Variants in PCDHA5 observed in about 807,000 individuals in gnomAD.
The protein encoded by PCDHA5 is protocadherin alpha-5.
Under a neutral mutation model 61.6 loss-of-function variants are expected in PCDHA5, and 43 were observed. That is an observed-to-expected ratio of 0.70 (90% CI 0.55 to 0.90). PCDHA5 has a LOEUF of 0.90. Among genes scored for constraint, PCDHA5 ranks in the 40% least tolerant of loss-of-function variants. The pLI is 0.00. For synonymous variants in PCDHA5, 627 were observed against 543.9 expected (o/e 1.15, Z -2.13); for missense variants, 1,298 against 1,222.7 (o/e 1.06, Z -0.92).
intron 1 of PCDHA5, chr5:140,967,890 C>G: frequency 6.2e-7 from 1 of 1,614,176 alleles, no homozygotes; most frequent in Non-Finnish European, 8.5e-7. Context: ...AGCCCAGTGC[C>G]TGAGAATGCT....
intron 1 of PCDHA5, chr5:140,875,431 T>C (rs1554167634): frequency 1.3e-6 from 2 of 1,558,558 alleles, no homozygotes. Context: ...AAGCGATCCC[T>C]TAAAACTGAT....
chr5:140,847,343 G>C (rs1554141738), intron 1 of PCDHA5: 1 of 149,722 alleles, frequency 6.7e-6, no homozygotes, highest in Non-Finnish European at 1.5e-5. Flanking sequence ...CACCTCTTAG[G>C]CTGTTATCAG....
intron 3 of PCDHA5, among the ~76,000 whole-genome samples, chr5:140,998,715 C>T (rs535565356): frequency 2.6e-5 from 4 of 152,236 alleles, no homozygotes; most frequent in African/African-American, 9.6e-5. Flanking sequence ...CAAGCTTGCA[C>T]CACCACGCTA....
intron 1 of PCDHA5, among the ~76,000 whole-genome samples, chr5:140,936,969 A>G (rs1391736933): frequency 2.0e-5 from 3 of 152,202 alleles, no homozygotes; most frequent in African/African-American, 7.2e-5. Context: ...ATCTATAAAA[A>G]TATGAAGCTT....
chr5:140,853,597 G>A lies in PCDHA5; in HGVS notation c.2352+29470G>A, dbSNP rs2042800183. 3.0e-6 allele frequency: 3 copies of A among 986,998 alleles called. 1 individual carries two copies. The highest frequency in any genetic ancestry group is 3.7e-6 in the Non-Finnish European group (3 of 819,142). The allele number at this position is 986,998 out of a possible 1,614,324, so 61.1% of individuals were successfully genotyped here. A position where few individuals can be genotyped will look rare whatever the true frequency, so the allele number is the denominator to read the frequency against. On this transcript the variant is annotated intron_variant, in intron 1 of 3. Transcript: ENST00000529859. ...ACCCAATATCTTAGACACTTTGAGA[G>A]CAAAGGGGGTGCTGTAAATAAGTAT... is the stretch of plus-strand genomic sequence containing the variant.
intron 1 of PCDHA5, among the ~76,000 whole-genome samples, chr5:140,971,061 G>A (rs2096454888): frequency 6.6e-6 from 1 of 152,154 alleles, no homozygotes; most frequent in Non-Finnish European, 1.5e-5. Context: ...TTTAAATAAG[G>A]TTGCTGTAGA....
rs370989006 is a variant in PCDHA5 at position 141,009,739 on chromosome 5, C to T, written c.2613C>T (p.Pro871=). The change falls in exon 4 of 4, where the codon CCC becomes CCT. Residue 871 remains proline (P), a synonymous_variant. Transcript: ENST00000529859. ...AACAATCCGGTCCCGGTGAGTTGCC[C>T]GACAAATTCATTATCCCAGGATCTC... ...NPKQSGPGEL[P]DKFIIPGSPA... is the part of the protein sequence containing the mutation. 55 of 1,614,008 alleles carry T rather than the reference C, an allele frequency of 3.4e-5. No homozygotes were observed. Among genetic ancestry groups the T allele is most frequent in the African/African-American group, 2.4e-4 (18 of 74,972 alleles).
At chr5:141,007,280 T>G (rs946303708) in intron 3 of PCDHA5, among the ~76,000 whole-genome samples, 1 of 151,106 alleles carries the variant, frequency 6.6e-6, no homozygotes, top group East Asian at 1.9e-4. Flanking sequence ...CTGGGTGCAG[T>G]GGGCTCATGC....
At chr5:140,856,100 C>T (rs782183125) in intron 1 of PCDHA5, 2 of 1,597,876 alleles carry the variant, frequency 1.3e-6, no homozygotes, top group Non-Finnish European at 1.7e-6. Context: ...GCTCTCGCTT[C>T]TTCTCCTCGC....
rs146607016 is a variant in PCDHA5, at chr5:140,835,699, C to A, written c.2352+11572C>A. 1.1e-4 allele frequency: 183 copies of A among 1,613,916 alleles called. 1 individual carries two copies. The highest frequency in any genetic ancestry group is 1.4e-4 in the Non-Finnish European group (162 of 1,179,884). On this transcript the variant is annotated intron_variant, in intron 1 of 3. Transcript: ENST00000529859. ...GGCTCGCCTTCTCTGTGGGCCACTGCTAGCGTGTCCGTGGAGGTGGCCGAC... is the reference window on the plus strand; with the variant it reads ...GGCTCGCCTTCTCTGTGGGCCACTGATAGCGTGTCCGTGGAGGTGGCCGAC...
intron 1 of PCDHA5, chr5:140,848,167 C>A (rs1554142004): frequency 3.9e-6 from 1 of 254,352 alleles, no homozygotes; most frequent in African/African-American, 2.2e-5. Context: ...TAAGAAGGCT[C>A]CAGCAAGAGA....
intron 1 of PCDHA5, chr5:140,884,038 G>A (rs1554181095): frequency 6.2e-7 from 1 of 1,613,432 alleles, no homozygotes; most frequent in South Asian, 1.1e-5. Context: ...CAGGCCACGT[G>A]GTGGCGAAGG....
At chr5:140,978,397 C>G (rs2096799745) in intron 1 of PCDHA5, among the ~76,000 whole-genome samples, 1 of 152,080 alleles carries the variant, frequency 6.6e-6, no homozygotes, top group Non-Finnish European at 1.5e-5. Flanking sequence ...CCCTAGTATC[C>G]CTCTTCAATC....
chr5:140,996,918 A>T lies in PCDHA5; in HGVS notation c.2501-12709A>T, dbSNP rs10036183. On this transcript the variant is annotated intron_variant, in intron 3 of 3. Transcript: ENST00000529859. ...GAATTACATTGTTGAAGTAAATATT[A>T]AAAAATATAGCATTTTTGCATAGAA... Among the ~76,000 whole-genome samples, 492 of 152,328 alleles carry T rather than the reference A, an allele frequency of 3.2e-3. 4 individuals are homozygous for T. Among genetic ancestry groups the T allele is most frequent in the African/African-American group, 0.011 (464 of 41,562 alleles).
chr5:140,875,363 A>G, intron 1 of PCDHA5: 1 of 1,449,052 alleles, frequency 6.9e-7, no homozygotes, highest in Non-Finnish European at 9.1e-7. Flanking sequence ...GATGCTGGAA[A>G]AAATTTACTA....
At chr5:140,828,495 T>A (rs2150156058) in intron 1 of PCDHA5, 1 of 1,614,162 alleles carries the variant, frequency 6.2e-7, no homozygotes, top group Admixed American at 1.7e-5. Context: ...TTGTTCCCGG[T>A]AGAGGAACAA....
rs142047105 is a variant in PCDHA5, at chr5:140,842,697, A to T, written c.2352+18570A>T. 6.3e-6 allele frequency: 10 copies of T among 1,595,144 alleles called. 2 individuals are homozygous for T. The highest frequency in any genetic ancestry group is 8.6e-6 in the Non-Finnish European group (10 of 1,165,510). On this transcript the variant is annotated intron_variant, in intron 1 of 3. Transcript: ENST00000529859. ...AATGCTCCGGCGTTCGCGCAGCCCG[A>T]GTACACGGTGTTCGTGAAGGAGAAC... is the stretch of plus-strand genomic sequence containing the variant.
At chr5:140,920,501 A>G (rs1404369467) in intron 1 of PCDHA5, among the ~76,000 whole-genome samples, 1 of 152,194 alleles carries the variant, frequency 6.6e-6, no homozygotes, top group Non-Finnish European at 1.5e-5. Context: ...AGAGTTCTAC[A>G]TACTGTTTTA....
intron 1 of PCDHA5, among the ~76,000 whole-genome samples, chr5:140,962,736 C>T (rs1233355346): frequency 2.0e-5 from 3 of 152,136 alleles, no homozygotes; most frequent in Non-Finnish European, 4.4e-5. Flanking sequence ...TCTGGGGATG[C>T]ATGAAGATCA....
Sources: gnomAD v4.1 joint callset for allele counts (sites outside exome capture counted in the v4.1 genomes callset) on GRCh38, gnomAD v4.1.1 for gene constraint, MANE v1.5 for transcripts, NCBI Gene and HGNC (gene_info 2026-07-23, HGNC 2026-07-21) for gene names.